Variants in MAP3K1 observed in about 807,000 individuals in gnomAD.
MAP3K1 encodes mitogen-activated protein kinase kinase kinase 1, also known as MAP/ERK kinase kinase 1.
MAP3K1 carries 36 observed loss-of-function variants against 144.2 expected under a neutral mutation model. That is an observed-to-expected ratio of 0.25 (90% CI 0.19 to 0.33). MAP3K1 has a LOEUF of 0.33. Among genes scored for constraint, MAP3K1 ranks in the 10% least tolerant of loss-of-function variants. MAP3K1 has a pLI of 1.00. For synonymous variants in MAP3K1, 718 were observed against 688.7 expected (o/e 1.04, Z -0.67); for missense variants, 1,650 against 1,881.9 (o/e 0.88, Z 2.28).
intron 1 of MAP3K1, among the ~76,000 whole-genome samples, chr5:56,826,033 T>A (rs1746302342): frequency 6.6e-6 from 1 of 152,072 alleles, no homozygotes; most frequent in Non-Finnish European, 1.5e-5. Flanking sequence ...TTGGCATGAA[T>A]ACATAGATAA....
chr5:56,827,606 G>A (rs555352755), intron 1 of MAP3K1, among the ~76,000 whole-genome samples: 73 of 152,258 alleles, frequency 4.8e-4, no homozygotes, highest in African/African-American at 1.7e-3. Context: ...GCTCACGCCC[G>A]TAATCCCAGT....
intron 7 of MAP3K1, 55 bp downstream of exon 7, chr5:56,872,086 A>C (rs530775520): frequency 1.1e-4 from 181 of 1,610,568 alleles, no homozygotes; most frequent in South Asian, 1.0e-3. Context: ...CTCTGAGCTA[A>C]CTATGTTATT....
Position 56,881,282 on chromosome 5 carries a change from C to G in MAP3K1, c.2369+10C>G, listed in dbSNP as rs2111940031. On this transcript the variant is annotated intron_variant, in intron 13 of 19. Transcript: ENST00000399503. Reference sequence around the variant, plus strand: ...AGCCTGTTGAAATCAGGTAATTTTTCTTCTGAAAATGTATTACTTGTATCT... The same window carrying G: ...AGCCTGTTGAAATCAGGTAATTTTTGTTCTGAAAATGTATTACTTGTATCT... 1 of 1,607,818 alleles carries G rather than the reference C, an allele frequency of 6.2e-7. No homozygotes were observed. Among genetic ancestry groups the G allele is most frequent in the African/African-American group, 1.3e-5 (1 of 74,860 alleles).
At chr5:56,867,937 G>T (rs921466852) in intron 6 of MAP3K1, among the ~76,000 whole-genome samples, 1 of 152,108 alleles carries the variant, frequency 6.6e-6, no homozygotes, top group Non-Finnish European at 1.5e-5. Context: ...TTTGGAGAAC[G>T]TTGAATGGCC....
At chr5:56,840,515 TG>T (rs1221218449) in intron 1 of MAP3K1, among the ~76,000 whole-genome samples, 1 of 152,224 alleles carries the variant, frequency 6.6e-6, no homozygotes, top group African/African-American at 2.4e-5. Flanking sequence ...ATACAAAACT[TG>T]TAAATATTTT....
chr5:56,884,885 A>C (rs1363212031), intron 16 of MAP3K1, 59 bp downstream of exon 16: 25 of 1,479,386 alleles, frequency 1.7e-5, no homozygotes, highest in Non-Finnish European at 2.2e-5. Flanking sequence ...TCTGCAATTT[A>C]GGAAAAACCA....
Position 56,872,840 on chromosome 5 carries a change from T to C in MAP3K1, c.1521T>C (p.Ser507=). 6.2e-7 allele frequency: 1 copy of C among 1,614,178 alleles called. No homozygotes were observed. Among genetic ancestry groups the C allele is most frequent in the South Asian group, 1.1e-5 (1 of 91,090 alleles). Residue 507 remains serine (S), a synonymous_variant, in exon 9 of 20, where the codon AGT becomes AGC. Coordinates refer to ENST00000399503, the MANE Select transcript of MAP3K1 (RefSeq NM_005921.2). ...TTCATTTTAGCCACGAGTTGTCAAGTCCTGTGGATTCCCCTTCTTCCCTCA... is the reference window on the plus strand; with the variant it reads ...TTCATTTTAGCCACGAGTTGTCAAGCCCTGTGGATTCCCCTTCTTCCCTCA... ...SHDFYSHELS[S]PVDSPSSLRA...
At chr5:56,830,849 TG>T (rs1410090941) in intron 1 of MAP3K1, among the ~76,000 whole-genome samples, 1 of 152,064 alleles carries the variant, frequency 6.6e-6, no homozygotes, top group Admixed American at 6.6e-5. Context: ...CACAAAATTT[TG>T]CCCAAAGACA....
Position 56,882,424 on chromosome 5 carries a change from A to T in MAP3K1, c.3224A>T (p.Asp1075Val), listed in dbSNP as rs1270798128. The T allele has an allele frequency of 6.2e-7, 1 of 1,614,120 alleles. No homozygotes were observed. Among genetic ancestry groups the T allele is most frequent in the Admixed American group, 1.7e-5 (1 of 60,004 alleles). The stretch of plus-strand genomic sequence containing the variant: ...CCAGGTAATACAAGTAAACAGGGAG[A>T]TCCCTCAAAAAATAGCATGACACTT... ...PTPGNTSKQG[D>V]PSKNSMTLDL... The change falls in exon 14 of 20, where the codon GAT becomes GTT. Residue 1075 changes from aspartate to valine, a missense_variant. Physicochemically the swap from Asp to Val is radical, Grantham distance 152. This residue lies in a region of MAP3K1 where 841 missense variants were observed against 886.5 expected (regional missense o/e 0.95). Transcript: ENST00000399503.
chr5:56,876,519 T>A (rs1050383191), intron 10 of MAP3K1, among the ~76,000 whole-genome samples: 6 of 152,164 alleles, frequency 3.9e-5, no homozygotes, highest in Non-Finnish European at 8.8e-5. Flanking sequence ...GAGTCACAAT[T>A]GAGTGATCTC....
At chr5:56,837,052 C>T (rs1026632330) in intron 1 of MAP3K1, among the ~76,000 whole-genome samples, 2 of 152,052 alleles carry the variant, frequency 1.3e-5, no homozygotes, top group African/African-American at 4.8e-5. Context: ...ATCCCCCCAC[C>T]TTAAGCTAGG....
intron 1 of MAP3K1, among the ~76,000 whole-genome samples, chr5:56,847,469 C>T (rs765630820): frequency 1.3e-5 from 2 of 152,078 alleles, no homozygotes; most frequent in Admixed American, 6.6e-5. Context: ...TTGTGTTGGG[C>T]GTCTGTAATC....
intron 1 of MAP3K1, among the ~76,000 whole-genome samples, chr5:56,826,566 G>T (rs1424229089): frequency 6.6e-6 from 1 of 152,222 alleles, no homozygotes. Flanking sequence ...TCAGACAACA[G>T]ATGTGCTCAG....
At chr5:56,885,892 C>T (rs374102556) in intron 16 of MAP3K1, 40 bp from the exon 17 acceptor site, 20 of 1,588,200 alleles carry the variant, frequency 1.3e-5, no homozygotes, top group Non-Finnish European at 1.6e-5. Context: ...ACTTTTAATT[C>T]TGTCTTAAGT....
Position 56,887,881 on chromosome 5 carries a change from G to A in MAP3K1, c.4258-345G>A, listed in dbSNP as rs1397810993. The A allele has an allele frequency of 3.7e-5, 16 of 433,656 alleles. No individual in the cohort carries two copies. The East Asian group carries it at 7.7e-4, about 21-fold the overall frequency. 26.9% of individuals were successfully genotyped at this position (433,656 alleles called of 1,614,324 possible). ...TACAGAGGCAGCTCCTGTCTGTAGT[G>A]GAAGGAGTTTAAGCATTGTTCTTCT... On this transcript the variant is annotated intron_variant, in intron 18 of 19. Transcript: ENST00000399503.
chr5:56,893,673 C>T lies in MAP3K1; in HGVS notation c.4532C>T (p.Thr1511Ile), dbSNP rs762922257. 2.5e-6 allele frequency: 4 copies of T among 1,613,812 alleles called. No individual in the cohort carries two copies. The highest frequency in any genetic ancestry group is 2.5e-6 in the Non-Finnish European group (3 of 1,179,782). ...ELLKHPVFRT[T>I]W Reference sequence around the variant, plus strand: ...CTGAAGCATCCAGTCTTTCGTACTACATGGTAGCCAATTATGCAGATCAAC... The same window carrying T: ...CTGAAGCATCCAGTCTTTCGTACTATATGGTAGCCAATTATGCAGATCAAC... The change falls in exon 20 of 20, where the codon ACA (threonine) becomes ATA (isoleucine). Residue 1511 changes from threonine to isoleucine, a missense_variant. Thr to Ile is a moderately conservative substitution (Grantham distance 89, BLOSUM62 -1). Around this residue, in one of 6 missense-constraint regions of MAP3K1, gnomAD observed 165 missense variants for 322.9 expected, o/e 0.51. Coordinates refer to ENST00000399503, the MANE Select transcript of MAP3K1 (RefSeq NM_005921.2).
intron 1 of MAP3K1, among the ~76,000 whole-genome samples, chr5:56,843,445 C>T (rs187328614): frequency 1.5e-4 from 23 of 152,180 alleles, no homozygotes; most frequent in African/African-American, 5.3e-4. Flanking sequence ...AGAACCATTC[C>T]CCAGGCCCAT....
chr5:56,878,112 A>G (rs994926687), intron 10 of MAP3K1, among the ~76,000 whole-genome samples: 2 of 152,228 alleles, frequency 1.3e-5, no homozygotes, highest in Non-Finnish European at 2.9e-5. Context: ...TCCCTGCTGT[A>G]AAGTTAATAT....
At chr5:56,855,589 A>G (rs538304178) in intron 1 of MAP3K1, among the ~76,000 whole-genome samples, 12 of 152,222 alleles carry the variant, frequency 7.9e-5, no homozygotes, top group African/African-American at 2.9e-4. Context: ...CCTTTGGCTG[A>G]TTCTCTGAAG....
Sources: gnomAD v4.1 joint callset for allele counts (sites outside exome capture counted in the v4.1 genomes callset) on GRCh38, gnomAD v4.1.1 for gene constraint, gnomAD v4.1.1 regional missense constraint, MANE v1.5 for transcripts, NCBI Gene and HGNC (gene_info 2026-07-23, HGNC 2026-07-21) for gene names.